EEA1: variants seen among roughly 807,000 people sequenced by gnomAD.
The protein encoded by EEA1 is early endosome antigen 1, 162kD.
EEA1 carries 111 observed loss-of-function variants against 209.2 expected under a neutral mutation model. That is an observed-to-expected ratio of 0.53 (90% confidence interval 0.45 to 0.62). The LOEUF (loss-of-function observed/expected upper bound fraction) is 0.62. Ranked by LOEUF, EEA1 falls within the 20% of genes least tolerant of loss-of-function variation. The pLI is 0.00. For synonymous variants in EEA1, 536 were observed against 540.6 expected, an observed-to-expected ratio of 0.99 and a Z score of 0.12; for missense variants, 1,343 against 1,530.8, an observed-to-expected ratio of 0.88 and a Z score of 2.05.
At chr12:92,897,536 G>T (rs1879940933) in intron 1 of EEA1, among the ~76,000 whole-genome samples, 2 of 152,228 alleles carry the variant, frequency 1.3e-5, no homozygotes, top group African/African-American at 4.8e-5. Context: ...TTGAGCTGCT[G>T]CTCAGGCCCA....
intron 2 of EEA1, among the ~76,000 whole-genome samples, chr12:92,890,461 A>C (rs1034148478): frequency 6.6e-6 from 1 of 152,184 alleles, no homozygotes; most frequent in Admixed American, 6.5e-5. Flanking sequence ...GACTGAGAGA[A>C]GGTTAAAAAG....
intron 2 of EEA1, among the ~76,000 whole-genome samples, chr12:92,873,682 G>C (rs552792148): frequency 9.3e-4 from 141 of 152,258 alleles, no homozygotes; most frequent in African/African-American, 3.3e-3. Flanking sequence ...GCTTGGGCTT[G>C]AATCCTGGAT....
chr12:92,895,133 ATTTTTTTTTTTTTTTTTT>A (rs537064468), intron 1 of EEA1, among the ~76,000 whole-genome samples: 13 of 95,104 alleles, frequency 1.4e-4, no homozygotes, highest in East Asian at 3.1e-4. Flanking sequence ...GGATCACTGA[ATTTTTTTTTTTTTTTTTT>A]TTTTTTTTTT....
chr12:92,895,495 A>T (rs1879840815), intron 1 of EEA1: 1 of 127,968 alleles, frequency 7.8e-6, no homozygotes, highest in African/African-American at 3.1e-5. Flanking sequence ...CCCACTATTA[A>T]GAGCTGCCAC....
At chr12:92,852,732 T>C (rs1185556747) in intron 7 of EEA1, among the ~76,000 whole-genome samples, 180 bp downstream of exon 7, 1 of 152,152 alleles carries the variant, frequency 6.6e-6, no homozygotes, top group Non-Finnish European at 1.5e-5. Context: ...GGCAGGCAGC[T>C]AGAGGACAAA....
chr12:92,848,880 G>A (rs905332160), intron 9 of EEA1, among the ~76,000 whole-genome samples: 1 of 151,834 alleles, frequency 6.6e-6, no homozygotes, highest in African/African-American at 2.4e-5. Flanking sequence ...GTACAGGTAC[G>A]TGCCAGCACG....
rs75814432 is a variant in EEA1, at chr12:92,788,728, T to C, written c.2968-679A>G. ...CTGTTGAAGTCATTAGTGACTGCCA[T>C]GTTCCAAAATCCTATATTCTTATCC... is the stretch of plus-strand genomic sequence containing the variant. On this transcript the variant is annotated intron_variant, in intron 21 of 28. Transcript: ENST00000322349. Among the ~76,000 whole-genome samples, 963 of 152,332 alleles carry C rather than the reference T, an allele frequency of 6.3e-3. 5 individuals carry two copies. The highest frequency in any genetic ancestry group is 8.7e-3 in the Non-Finnish European group (594 of 68,028).
At chr12:92,832,281 T>C (rs1876687829) in intron 11 of EEA1, among the ~76,000 whole-genome samples, 1 of 152,112 alleles carries the variant, frequency 6.6e-6, no homozygotes, top group Non-Finnish European at 1.5e-5. Flanking sequence ...TAGTATCAAT[T>C]CATAAACATT....
At chr12:92,823,562 T>C (rs141360000) in intron 13 of EEA1, among the ~76,000 whole-genome samples, 1 of 152,328 alleles carries the variant, frequency 6.6e-6, no homozygotes, top group Non-Finnish European at 1.5e-5. Context: ...AACTATTCTC[T>C]ATGCTACCAT....
chr12:92,922,093 T>C (rs1386025627), intron 1 of EEA1, among the ~76,000 whole-genome samples: 1 of 152,124 alleles, frequency 6.6e-6, no homozygotes, highest in African/African-American at 2.4e-5. Flanking sequence ...TCAGTCCTTA[T>C]TTGACTCAAC....
intron 17 of EEA1, among the ~76,000 whole-genome samples, chr12:92,810,199 A>G (rs1431915938): frequency 1.3e-5 from 2 of 152,196 alleles, no homozygotes; most frequent in East Asian, 3.8e-4. Context: ...CCATTGACCT[A>G]CACTGAAAAT....
intron 1 of EEA1, chr12:92,905,457 C>T (rs912784754): frequency 6.6e-6 from 1 of 151,896 alleles, no homozygotes; most frequent in Non-Finnish European, 1.5e-5. Context: ...CACACACACA[C>T]ACACAAAGCT....
intron 15 of EEA1, among the ~76,000 whole-genome samples, 168 bp from the exon 16 acceptor site, chr12:92,813,261 G>A (rs977976026): frequency 3.9e-5 from 6 of 152,066 alleles, no homozygotes; most frequent in African/African-American, 1.2e-4. Flanking sequence ...GCCAAAATAG[G>A]AATGATAGGG....
rs1873855944 is a variant in EEA1 at position 92,780,401 on chromosome 12, T to A, written c.3347A>T (p.Glu1116Val). The A allele has an allele frequency of 6.5e-7, 1 of 1,527,864 alleles. No homozygotes were observed. The highest frequency in any genetic ancestry group is 8.9e-7 in the Non-Finnish European group (1 of 1,127,924). The allele number at this position is 1,527,864 out of a possible 1,614,324, so 94.6% of individuals were successfully genotyped here. A position where few individuals can be genotyped will look rare whatever the true frequency, so the allele number is the denominator to read the frequency against. The change falls in exon 24 of 29, where the codon GAA becomes GTA. Residue 1116 changes from glutamate to valine, a missense_variant. By Grantham distance (121) the Glu-to-Val change is moderately radical. Transcript: ENST00000322349. ...QDIQKEKSLKEKELVNEKSKL... is the reference protein window; with the variant it reads ...QDIQKEKSLKVKELVNEKSKL... ...AGACTTCTCATTTACCAGTTCTTTTTCTTTCAGTGACTGTAGAAAAATGAT... is the reference window on the plus strand; with the variant it reads ...AGACTTCTCATTTACCAGTTCTTTTACTTTCAGTGACTGTAGAAAAATGAT...
intron 18 of EEA1, among the ~76,000 whole-genome samples, chr12:92,803,435 C>T (rs1875036301): frequency 1.3e-5 from 2 of 151,910 alleles, no homozygotes; most frequent in Admixed American, 1.3e-4. Context: ...AGGAACTATG[C>T]AAATTATACA....
At chr12:92,827,858 T>C (rs1876391402) in intron 12 of EEA1, 54 bp downstream of exon 12, 2 of 1,437,958 alleles carry the variant, frequency 1.4e-6, no homozygotes, top group Non-Finnish European at 1.8e-6. Flanking sequence ...TGATGAATCA[T>C]AATCATGTTA....
chr12:92,847,282 A>G (rs1877426529), intron 9 of EEA1, among the ~76,000 whole-genome samples: 1 of 152,050 alleles, frequency 6.6e-6, no homozygotes, highest in Non-Finnish European at 1.5e-5. Context: ...AGCTTCTTTA[A>G]TTCCTTTGTA....
At chr12:92,777,858 T>C (rs1873727455) in intron 26 of EEA1, 83 bp downstream of exon 26, 6 of 1,421,270 alleles carry the variant, frequency 4.2e-6, no homozygotes, top group Non-Finnish European at 5.8e-6. Context: ...CTCAAGATTC[T>C]TCTATTTTTA....
Position 92,852,951 on chromosome 12 carries a change from A to G in EEA1, c.481T>C (p.Phe161Leu), listed in dbSNP as rs756020633. 14 of 1,612,542 alleles carry G rather than the reference A, an allele frequency of 8.7e-6. No individual in the cohort carries two copies. The highest frequency in any genetic ancestry group is 5.0e-5 in the Admixed American group (3 of 59,876). ...NFNIKQMKDLFEQKAAQLATE... is the reference protein window; with the variant it reads ...NFNIKQMKDLLEQKAAQLATE... Reference sequence around the variant, plus strand: ...GCAAGTTGGGCTGCTTTCTGTTCAAATAAGTCTTTCATTTGCTTAATATTA... The same window carrying G: ...GCAAGTTGGGCTGCTTTCTGTTCAAGTAAGTCTTTCATTTGCTTAATATTA... Residue 161 changes from phenylalanine to leucine, a missense_variant, in exon 7 of 29, where the codon TTT (phenylalanine) becomes CTT (leucine). Physicochemically the swap from Phe to Leu is conservative, Grantham distance 22. Around this residue, in one of 3 missense-constraint regions of EEA1, gnomAD observed 1,307 missense variants for 1,465.5 expected, o/e 0.89. Coordinates refer to ENST00000322349, the MANE Select transcript of EEA1 (RefSeq NM_003566.4).
Sources: allele counts gnomAD v4.1 joint callset (sites outside exome capture counted in the v4.1 genomes callset), GRCh38; gene constraint gnomAD v4.1.1; regional missense constraint gnomAD v4.1.1; transcripts MANE v1.5; gene names NCBI Gene and HGNC (gene_info 2026-07-23, HGNC 2026-07-21).